The following ECHDC3 variants were observed in gnomAD, a reference collection of about 807,000 sequenced individuals.
The protein encoded by ECHDC3 is enoyl-CoA hydratase domain-containing protein 3, mitochondrial.
In ECHDC3, 20 loss-of-function variants were observed where a neutral mutation model predicts 17.9. The observed-to-expected ratio is 1.12, with a 90% CI of 0.79 to 1.63. The LOEUF is 1.63. Ranked by LOEUF, ECHDC3 falls within the 40% of genes most tolerant of loss-of-function variation. ECHDC3 has a pLI of 0.00. For missense variants in ECHDC3, 407 were observed against 357.7 expected, an observed-to-expected ratio of 1.14 and a Z score of -1.11; for synonymous variants, 177 against 149.7, an observed-to-expected ratio of 1.18 and a Z score of -1.33.
intron 1 of ECHDC3, among the ~76,000 whole-genome samples, chr10:11,744,160 A>G (rs1241898999): frequency 6.6e-6 from 1 of 152,180 alleles, no homozygotes; most frequent in African/African-American, 2.4e-5. Flanking sequence ...AGTGGCCTGC[A>G]AAGTGGATAA....
chr10:11,754,526 ACCCCC>A (rs1832864205), intron 3 of ECHDC3, among the ~76,000 whole-genome samples: 1 of 151,714 alleles, frequency 6.6e-6, no homozygotes, highest in Non-Finnish European at 1.5e-5. Context: ...GAGTCCCCCC[ACCCCC>A]ATTTTAATAG....
At chr10:11,755,878 T>G in intron 4 of ECHDC3, 1 of 392,152 alleles carries the variant, frequency 2.6e-6, no homozygotes, top group East Asian at 4.7e-5. Flanking sequence ...TCAGTACCAC[T>G]GGGTAGGTTT....
Position 11,742,516 on chromosome 10 carries a change from G to T in ECHDC3, c.-61G>T, listed in dbSNP as rs951777221. The T allele has an allele frequency of 3.2e-6, 4 of 1,250,826 alleles. No individual in the cohort carries two copies. Among genetic ancestry groups the T allele is most frequent in the African/African-American group, 3.1e-5 (2 of 63,916 alleles). The allele number at this position is 1,250,826 out of a possible 1,614,324, so 77.5% of individuals were successfully genotyped here. On this transcript the variant is annotated 5_prime_UTR_variant, in exon 1 of 5. Transcript: ENST00000379215. The stretch of plus-strand genomic sequence containing the variant: ...CTGCTCACAGCAGCGCCCTCGGAGC[G>T]CCCAGCACCTGCGGCCGGCCAGGCA...
rs371141521 is a variant in ECHDC3 at position 11,755,568 on chromosome 10, C to T, written c.551C>T (p.Ser184Phe). The change falls in exon 4 of 5, where the codon TCT becomes TTT. Residue 184 changes from serine (S) to phenylalanine (F), a missense_variant. Physicochemically the swap from Ser to Phe is radical, Grantham distance 155. Coordinates refer to ENST00000379215, the MANE Select transcript of ECHDC3 (RefSeq NM_024693.5). ...GGGGTGAACGTCGGGCTCTTCTGTT[C>T]TACCCCTGGGGTTGCCTTGGCAAGA... ...TPGVNVGLFC[S>F]TPGVALARAV... 7.4e-6 allele frequency: 12 copies of T among 1,614,012 alleles called. 1 individual carries two copies. In the South Asian group the frequency reaches 7.7e-5, roughly 10 times the overall value.
intron 4 of ECHDC3, among the ~76,000 whole-genome samples, chr10:11,757,015 G>A (rs936250037): frequency 3.3e-5 from 5 of 152,212 alleles, no homozygotes; most frequent in East Asian, 1.9e-4. Context: ...GATTACAGGC[G>A]TGAGCCGCCG....
In ECHDC3 at chr10:11,747,202, T is replaced by A; in HGVS notation, c.171-147T>A. The A allele has an allele frequency of 3.9e-6, 4 of 1,021,470 alleles. No homozygotes were observed. In the East Asian group the frequency reaches 1.2e-4, roughly 31 times the overall value. The allele number at this position is 1,021,470 out of a possible 1,614,324, so 63.3% of individuals were successfully genotyped here. A position where few individuals can be genotyped will look rare whatever the true frequency, so the allele number is the denominator to read the frequency against. Reference sequence around the variant, plus strand: ...TTGACTTGGCTGTAACTCCAGAGAGTTGACAGACCCTCTAAATTGGCACTA... The same window carrying A: ...TTGACTTGGCTGTAACTCCAGAGAGATGACAGACCCTCTAAATTGGCACTA... On this transcript the variant is annotated intron_variant, in intron 1 of 4. Transcript: ENST00000379215.
At position 11,746,077 on chromosome 10, in the gene ECHDC3, C is replaced by T. The variant is rs375350810; in HGVS notation, c.171-1272C>T. Reference sequence around the variant, plus strand: ...GTGCAGTAGCTCACGTCTGTAATCCCAGCACTTTGGGAGGCTGAGGCGGGT... The same window carrying T: ...GTGCAGTAGCTCACGTCTGTAATCCTAGCACTTTGGGAGGCTGAGGCGGGT... On this transcript the variant is annotated intron_variant, in intron 1 of 4. Transcript: ENST00000379215. Among the ~76,000 whole-genome samples, 9 of 152,256 alleles carry T rather than the reference C, an allele frequency of 5.9e-5. No homozygotes were observed. In the East Asian group the frequency reaches 1.4e-3, roughly 23 times the overall value.
At chr10:11,759,381 AAAC>A (rs1198562354) in intron 4 of ECHDC3, among the ~76,000 whole-genome samples, 2 of 103,196 alleles carry the variant, frequency 1.9e-5, no homozygotes, top group Non-Finnish European at 4.5e-5. Flanking sequence ...CAAAAAAAAA[AAAC>A]ACGCAGTCCC....
chr10:11,757,959 C>CA (rs1445793673), intron 4 of ECHDC3, among the ~76,000 whole-genome samples: 1 of 152,160 alleles, frequency 6.6e-6, no homozygotes, highest in African/African-American at 2.4e-5. Context: ...CATCCATGCA[C>CA]AGGCCCACCG....
At chr10:11,755,135 G>A (rs7085654) in intron 3 of ECHDC3, among the ~76,000 whole-genome samples, 140,191 of 151,754 alleles carry the variant, frequency 0.92, 65,829 homozygotes, top group East Asian at 1. Flanking sequence ...AGCCTGGCCA[G>A]CATGGTAAAA....
chr10:11,746,066 G>A (rs1321018735), intron 1 of ECHDC3, among the ~76,000 whole-genome samples: 1 of 152,174 alleles, frequency 6.6e-6, no homozygotes, highest in Non-Finnish European at 1.5e-5. Context: ...AGTAGCTCAC[G>A]TCTGTAATCC....
intron 1 of ECHDC3, among the ~76,000 whole-genome samples, chr10:11,744,180 C>T (rs1026328874): frequency 4.6e-5 from 7 of 152,198 alleles, no homozygotes; most frequent in African/African-American, 1.4e-4. Context: ...ATTTTATGCC[C>T]ACTTTACTGT....
chr10:11,747,311 T>C (rs371020337), intron 1 of ECHDC3, 38 bp from the exon 2 acceptor site: 29 of 1,606,040 alleles, frequency 1.8e-5, no homozygotes, highest in Non-Finnish European at 2.4e-5. Flanking sequence ...TTGTTTTGAC[T>C]GGTGTGTGAC....
At chr10:11,744,478 G>A (rs900429903) in intron 1 of ECHDC3, among the ~76,000 whole-genome samples, 6 of 152,186 alleles carry the variant, frequency 3.9e-5, no homozygotes, top group Non-Finnish European at 8.8e-5. Flanking sequence ...GGACCTTCTC[G>A]TGGTTTACAA....
intron 3 of ECHDC3, among the ~76,000 whole-genome samples, chr10:11,753,006 T>C (rs73580959): frequency 0.033 from 5,019 of 152,354 alleles, 291 homozygotes; most frequent in African/African-American, 0.11. Context: ...AATAATGATT[T>C]GGTGAGCATC....
At position 11,763,396 on chromosome 10, in the gene ECHDC3, T is replaced by C; in HGVS notation, c.764T>C (p.Phe255Ser). The C allele has an allele frequency of 2.6e-6, 2 of 784,234 alleles. No homozygotes were observed. Among genetic ancestry groups the C allele is most frequent in the Non-Finnish European group, 2.4e-6 (1 of 425,088 alleles). 48.6% of individuals were successfully genotyped at this position (784,234 alleles called of 1,614,324 possible). The change falls in exon 5 of 5, where the codon TTC becomes TCC. Residue 255 changes from phenylalanine to serine, a missense_variant. Coordinates refer to ENST00000379215, the MANE Select transcript of ECHDC3 (RefSeq NM_024693.5). The surrounding 1 kb of genome is among the most constrained non-coding windows in gnomAD (Gnocchi z 4.9). ...RPVVSLGKAT[F>S]YKQLPQDLGT... ...GTGGTGTCCCTGGGCAAAGCCACCT[T>C]CTACAAGCAGCTGCCCCAGGACCTG...
intron 2 of ECHDC3, among the ~76,000 whole-genome samples, 191 bp from the exon 3 acceptor site, chr10:11,749,293 GCCTCGCCTTGC>G (rs1832797537): frequency 6.6e-6 from 1 of 152,166 alleles, no homozygotes; most frequent in Non-Finnish European, 1.5e-5. Context: ...CCTAAAAAAT[GCCTCGCCTTGC>G]ATTTTTCATC....
At chr10:11,748,684 G>A (rs1832790494) in intron 2 of ECHDC3, among the ~76,000 whole-genome samples, 1 of 152,026 alleles carries the variant, frequency 6.6e-6, no homozygotes, top group African/African-American at 2.4e-5. Flanking sequence ...CCAAGAGTTC[G>A]AGACCAGCCT....
intron 4 of ECHDC3, among the ~76,000 whole-genome samples, chr10:11,758,523 T>TA (rs1832910171): frequency 6.6e-6 from 1 of 152,186 alleles, no homozygotes; most frequent in African/African-American, 2.4e-5. Flanking sequence ...GTGCAGATGT[T>TA]AGAGAGCCTG....
Sources: allele counts gnomAD v4.1 joint callset (sites outside exome capture counted in the v4.1 genomes callset), GRCh38; gene constraint gnomAD v4.1.1; non-coding constraint Gnocchi (gnomAD v3.1); transcripts MANE v1.5; gene names NCBI Gene and HGNC (gene_info 2026-07-23, HGNC 2026-07-21).